Variants in RGSL1 observed in about 807,000 individuals in gnomAD.
The protein encoded by RGSL1 is regulator of G protein signaling like 1.
Under a neutral mutation model 124.7 loss-of-function variants are expected in RGSL1, and 97 were observed. That is an observed-to-expected ratio of 0.78 (90% confidence interval 0.66 to 0.92). The LOEUF (loss-of-function observed/expected upper bound fraction) is 0.92, where lower values mean the gene tolerates loss of function less well. RGSL1 is among the 40% of genes least tolerant of loss of function. The pLI, the probability that RGSL1 is intolerant of heterozygous loss-of-function variation, is 0.00. For missense variants in RGSL1, 1,233 were observed against 1,288.4 expected, an observed-to-expected ratio of 0.96 and a Z score of 0.66; for synonymous variants, 424 against 438.1, an observed-to-expected ratio of 0.97 and a Z score of 0.40.
intron 6 of RGSL1, among the ~76,000 whole-genome samples, chr1:182,480,177 G>C (rs558780771): frequency 6.6e-6 from 1 of 152,108 alleles, no homozygotes; most frequent in Non-Finnish European, 1.5e-5. Context: ...CTACTCAACA[G>C]CAACAGAATA....
chr1:182,528,365 T>G (rs1658912759), intron 11 of RGSL1, among the ~76,000 whole-genome samples: 1 of 152,178 alleles, frequency 6.6e-6, no homozygotes, highest in African/African-American at 2.4e-5. Context: ...GTTCTCACAT[T>G]TCAAAACACA....
In RGSL1 at chr1:182,474,342, A is replaced by G. The variant is rs1373954443; in HGVS notation, c.1231A>G (p.Ser411Gly). The change falls in exon 6 of 22, where the codon AGT becomes GGT. Residue 411 changes from serine (S) to glycine (G), a missense_variant. By Grantham distance (56) the Ser-to-Gly change is moderately conservative. Transcript: ENST00000294854. ...CTGGCAGGACTTGCAGCATTTCCTCAGTGTCCTTCTGAATAACAAAAAGAA... is the reference window on the plus strand; with the variant it reads ...CTGGCAGGACTTGCAGCATTTCCTCGGTGTCCTTCTGAATAACAAAAAGAA... ...DLWQDLQHFL[S>G]VLLNNKKNGN... is the part of the protein sequence containing the mutation. 1 of 1,551,846 alleles carries G rather than the reference A, an allele frequency of 6.4e-7. No homozygotes were observed. The highest frequency in any genetic ancestry group is 8.7e-7 in the Non-Finnish European group (1 of 1,147,004).
chr1:182,554,492 A>G, intron 19 of RGSL1, 135 bp from the exon 20 acceptor site: 1 of 704,028 alleles, frequency 1.4e-6, no homozygotes, highest in Non-Finnish European at 2.5e-6. Context: ...GGCCTGCTTT[A>G]CCTTCACTTT....
intron 4 of RGSL1, among the ~76,000 whole-genome samples, chr1:182,464,367 A>C (rs1286838872): frequency 6.6e-6 from 1 of 152,232 alleles, no homozygotes; most frequent in Non-Finnish European, 1.5e-5. Flanking sequence ...AAAATCAGTG[A>C]GATCAAAAAT....
intron 8 of RGSL1, among the ~76,000 whole-genome samples, chr1:182,491,829 C>T (rs1255506725): frequency 6.6e-6 from 1 of 151,622 alleles, no homozygotes; most frequent in African/African-American, 2.4e-5. Flanking sequence ...CTCTAAATCC[C>T]AGAACTCACA....
chr1:182,527,409 A>T (rs1334908455), intron 10 of RGSL1, among the ~76,000 whole-genome samples, 170 bp from the exon 11 acceptor site: 1 of 152,214 alleles, frequency 6.6e-6, no homozygotes, highest in East Asian at 1.9e-4. Flanking sequence ...ATAAAAGTTC[A>T]AGTTAATCAC....
chr1:182,530,011 C>A (rs115159241), intron 11 of RGSL1, among the ~76,000 whole-genome samples: 1 of 152,178 alleles, frequency 6.6e-6, no homozygotes, highest in African/African-American at 2.4e-5. Flanking sequence ...ACTCATCCTG[C>A]AAATTTGAAT....
At chr1:182,457,140 C>A (rs1652404887) in intron 2 of RGSL1, among the ~76,000 whole-genome samples, 1 of 148,484 alleles carries the variant, frequency 6.7e-6, no homozygotes, top group African/African-American at 2.5e-5. Context: ...GAGCCAGACT[C>A]CATCTCAAAA....
rs1366339471 is a variant in RGSL1, at chr1:182,489,046, C to T, written c.1561C>T (p.Leu521Phe). 1.9e-6 allele frequency: 3 copies of T among 1,551,644 alleles called. No homozygotes were observed. Among genetic ancestry groups the T allele is most frequent in the South Asian group, 2.4e-5 (2 of 84,062 alleles). ...REFIGKEENI[L>F]LYKRIQQSLE... is the part of the protein sequence containing the mutation. ...ATTTATAGGCAAAGAAGAGAACATT[C>T]TTCTTTATAAGAGGATTCAGCAGTC... The change falls in exon 8 of 22, where the codon CTT becomes TTT. Residue 521 changes from leucine to phenylalanine, a missense_variant. By Grantham distance (22) the Leu-to-Phe change is conservative (BLOSUM62 0). Transcript: ENST00000294854.
chr1:182,474,614 T>C, intron 6 of RGSL1, 72 bp downstream of exon 6: 1 of 1,458,092 alleles, frequency 6.9e-7, no homozygotes, highest in African/African-American at 1.4e-5. Context: ...TCCCATCTGG[T>C]CACCTATACT....
intron 9 of RGSL1, among the ~76,000 whole-genome samples, chr1:182,517,843 A>G (rs1658014835): frequency 6.6e-6 from 1 of 152,166 alleles, no homozygotes; most frequent in Non-Finnish European, 1.5e-5. Flanking sequence ...TCTTGGTCAG[A>G]GAGCTCACAT....
rs1418362559 is a variant in RGSL1, at chr1:182,515,540, T to TA, written c.1826-6451dup. Reference sequence around the variant, plus strand: ...GGAAAGAAAAGAAAACAGTTTAAAGTAAAAAAAAAAAAAGGGGGGGGCGGG... The same window carrying TA: ...GGAAAGAAAAGAAAACAGTTTAAAGTAAAAAAAAAAAAAAGGGGGGGGCGGG... On this transcript the variant is annotated intron_variant, in intron 9 of 21. Coordinates refer to ENST00000294854, the MANE Select transcript of RGSL1 (RefSeq NM_001137669.2). 3.3e-3 allele frequency among the ~76,000 whole-genome samples: 117 copies of TA among 35,638 alleles called. 1 individual carries two copies. The highest frequency in any genetic ancestry group is 3.7e-3 in the Admixed American group (9 of 2,418). 23.4% of individuals were successfully genotyped at this position (35,638 alleles called of 152,430 possible).
intron 1 of RGSL1, among the ~76,000 whole-genome samples, chr1:182,451,356 A>T (rs2101971354): frequency 6.6e-6 from 1 of 152,262 alleles, no homozygotes; most frequent in East Asian, 1.9e-4. Flanking sequence ...ATAATGGAGG[A>T]TATACGTGAT....
intron 14 of RGSL1, among the ~76,000 whole-genome samples, chr1:182,537,211 C>A (rs1267548131): frequency 1.3e-5 from 2 of 152,084 alleles, no homozygotes; most frequent in Non-Finnish European, 2.9e-5. Flanking sequence ...TCACACCTAA[C>A]CTCACGTAAC....
chr1:182,480,334 G>T (rs1654604825), intron 6 of RGSL1, among the ~76,000 whole-genome samples: 1 of 152,126 alleles, frequency 6.6e-6, no homozygotes, highest in African/African-American at 2.4e-5. Flanking sequence ...GGGAGGCTGA[G>T]GTAGGAGGAT....
chr1:182,511,279 C>T (rs1657434428), intron 9 of RGSL1, among the ~76,000 whole-genome samples: 1 of 152,142 alleles, frequency 6.6e-6, no homozygotes, highest in Non-Finnish European at 1.5e-5. Context: ...ATTCTCCTGC[C>T]TCAGCCTCCC....
At chr1:182,559,526 C>T (rs1177779027) in intron 21 of RGSL1, among the ~76,000 whole-genome samples, 2 of 152,168 alleles carry the variant, frequency 1.3e-5, no homozygotes, top group Non-Finnish European at 2.9e-5. Flanking sequence ...CCACATTCCC[C>T]TCTCCACACA....
At chr1:182,505,757 CACTTATGTTTTCTGATGT>C (rs1558329091) in intron 9 of RGSL1, among the ~76,000 whole-genome samples, 1 of 152,034 alleles carries the variant, frequency 6.6e-6, no homozygotes, top group Non-Finnish European at 1.5e-5. Flanking sequence ...TTTTCTGATG[CACTTATGTTTTCTGATGT>C]ACTTGTAAAT....
Position 182,474,067 on chromosome 1 carries a change from G to T in RGSL1, c.956G>T (p.Ser319Ile). 1 of 1,551,774 alleles carries T rather than the reference G, an allele frequency of 6.4e-7. No individual in the cohort carries two copies. The highest frequency in any genetic ancestry group is 1.2e-5 in the South Asian group (1 of 84,064). Residue 319 changes from serine (S) to isoleucine (I), a missense_variant, in exon 6 of 22, where the codon AGC becomes ATC. Ser to Ile is a moderately radical substitution (Grantham distance 142). Coordinates refer to ENST00000294854, the MANE Select transcript of RGSL1 (RefSeq NM_001137669.2). Reference protein sequence around the residue: ...EKDMHYAKISSMENKAKSHLH... With the variant: ...EKDMHYAKISIMENKAKSHLH... ...GATATGCATTATGCAAAAATATCCA[G>T]CATGGAGAATAAAGCCAAGAGCCAC...
Sources: allele counts gnomAD v4.1 joint callset (sites outside exome capture counted in the v4.1 genomes callset), GRCh38; gene constraint gnomAD v4.1.1; transcripts MANE v1.5; gene names NCBI Gene and HGNC (gene_info 2026-07-23, HGNC 2026-07-21).